The following ATF7IP2 variants were observed in gnomAD, a reference collection of about 807,000 sequenced individuals.
ATF7IP2 encodes the protein activating transcription factor 7 interacting protein 2, also known as activating transcription factor 7-interacting protein 2.
ATF7IP2 carries 42 observed loss-of-function variants against 64.2 expected under a neutral mutation model. The ratio of observed to expected loss-of-function variants is 0.65; its 90% CI spans 0.51 to 0.85. The LOEUF (loss-of-function observed/expected upper bound fraction) is 0.85. ATF7IP2 is among the 40% of genes least tolerant of loss of function. ATF7IP2 has a pLI of 0.00. For synonymous variants in ATF7IP2, 308 were observed against 272.8 expected (o/e 1.13, Z -1.27); for missense variants, 933 against 784.2 (o/e 1.19, Z -2.27).
At chr16:10,449,959 G>C (rs1567478160) in intron 8 of ATF7IP2, among the ~76,000 whole-genome samples, 1 of 152,136 alleles carries the variant, frequency 6.6e-6, no homozygotes, top group African/African-American at 2.4e-5. Context: ...GGCATTTAGT[G>C]CTATAAATTT....
chr16:10,479,607 T>A (rs1010600327), intron 12 of ATF7IP2, among the ~76,000 whole-genome samples: 2 of 151,522 alleles, frequency 1.3e-5, no homozygotes, highest in African/African-American at 2.4e-5. Flanking sequence ...CATATGTAAC[T>A]AACCTGCACA....
At chr16:10,419,823 C>T (rs186155205) in intron 3 of ATF7IP2, among the ~76,000 whole-genome samples, 200 bp downstream of exon 3, 501 of 152,312 alleles carry the variant, frequency 3.3e-3, no homozygotes, top group South Asian at 0.013. Flanking sequence ...ACAAGCATAA[C>T]CTCTACCCCA....
At chr16:10,459,027 A>AAATAAT (rs35159382) in intron 9 of ATF7IP2, among the ~76,000 whole-genome samples, 10 of 150,232 alleles carry the variant, frequency 6.7e-5, no homozygotes, top group South Asian at 4.2e-4. Context: ...CTCTACTAAA[A>AAATAAT]AATAATAATA....
At chr16:10,442,309 T>G (rs1473788238) in intron 8 of ATF7IP2, among the ~76,000 whole-genome samples, 1 of 152,244 alleles carries the variant, frequency 6.6e-6, no homozygotes, top group Non-Finnish European at 1.5e-5. Flanking sequence ...TTTATACACT[T>G]TATTCTTCAA....
At chr16:10,389,257 C>G (rs1289310291) in intron 1 of ATF7IP2, among the ~76,000 whole-genome samples, 1 of 152,096 alleles carries the variant, frequency 6.6e-6, no homozygotes, top group African/African-American at 2.4e-5. Context: ...GGTAGTCTAT[C>G]TGGCTATATA....
chr16:10,391,928 C>T (rs2047333817), intron 1 of ATF7IP2, among the ~76,000 whole-genome samples: 1 of 150,830 alleles, frequency 6.6e-6, no homozygotes, highest in African/African-American at 2.4e-5. Flanking sequence ...GACAGCACTA[C>T]AGGTATTACA....
intron 1 of ATF7IP2, among the ~76,000 whole-genome samples, chr16:10,398,611 C>T (rs4412968): frequency 0.56 from 85,387 of 151,878 alleles, 24,061 homozygotes; most frequent in East Asian, 0.69. Flanking sequence ...GATGGAATAC[C>T]ATTTTGCCTG....
chr16:10,475,004 A>C (rs1410251445), intron 12 of ATF7IP2, among the ~76,000 whole-genome samples: 2 of 152,224 alleles, frequency 1.3e-5, no homozygotes, highest in African/African-American at 4.8e-5. Flanking sequence ...CAACATAGGG[A>C]AACCCCATCT....
At chr16:10,396,168 G>T (rs1481505210) in intron 1 of ATF7IP2, among the ~76,000 whole-genome samples, 1 of 152,122 alleles carries the variant, frequency 6.6e-6, no homozygotes, top group East Asian at 1.9e-4. Context: ...GCATCAAAAA[G>T]TAGTACAAAA....
intron 1 of ATF7IP2, among the ~76,000 whole-genome samples, chr16:10,398,688 A>G (rs2047468152): frequency 6.6e-6 from 1 of 152,180 alleles, no homozygotes; most frequent in African/African-American, 2.4e-5. Flanking sequence ...ACAGACAAAT[A>G]CTATATGATG....
intron 10 of ATF7IP2, 63 bp from the exon 11 acceptor site, chr16:10,473,416 T>G: frequency 9.9e-7 from 1 of 1,015,180 alleles, no homozygotes; most frequent in Non-Finnish European, 1.5e-6. Flanking sequence ...GTTTTAGCAT[T>G]CATATTTCAC....
intron 3 of ATF7IP2, among the ~76,000 whole-genome samples, chr16:10,427,460 G>T (rs1368996634): frequency 3.3e-5 from 5 of 152,044 alleles, no homozygotes. Context: ...GAAATAATTT[G>T]GTTTTCTTGA....
rs184956274 is a variant in ATF7IP2, at chr16:10,475,173, G to T, written c.1549+1184G>T. Among the ~76,000 whole-genome samples the T allele has an allele frequency of 1.2e-4, 19 of 152,324 alleles. No homozygotes were observed. The East Asian group carries it at 2.9e-3, about 23-fold the overall frequency. On this transcript the variant is annotated intron_variant, in intron 12 of 13. Transcript: ENST00000562102. ...TCTACACAAAGAATAAAACTATATT[G>T]TAGAATGTATATAGAAGTCAGTAGA... is the stretch of plus-strand genomic sequence containing the variant.
At chr16:10,437,315 G>A (rs578184606) in intron 6 of ATF7IP2, among the ~76,000 whole-genome samples, 9 of 152,238 alleles carry the variant, frequency 5.9e-5, no homozygotes, top group Non-Finnish European at 1.0e-4. Context: ...CACTGCACCC[G>A]GCTGGCTTCT....
intron 5 of ATF7IP2, among the ~76,000 whole-genome samples, chr16:10,432,496 T>C (rs2048288990): frequency 6.6e-6 from 1 of 152,048 alleles, no homozygotes; most frequent in African/African-American, 2.4e-5. Flanking sequence ...TTAACAGCAC[T>C]TTGGGAGGCC....
chr16:10,425,235 T>A (rs2048061907), intron 3 of ATF7IP2, among the ~76,000 whole-genome samples: 1 of 151,026 alleles, frequency 6.6e-6, no homozygotes, highest in African/African-American at 2.4e-5. Flanking sequence ...GTTTTTTTTT[T>A]TTTTTTGTAC....
intron 12 of ATF7IP2, among the ~76,000 whole-genome samples, chr16:10,474,963 C>G (rs1484547686): frequency 6.6e-6 from 1 of 152,146 alleles, no homozygotes; most frequent in Non-Finnish European, 1.5e-5. Flanking sequence ...AGGAGGATGG[C>G]TTGAGGCCAG....
chr16:10,479,912 G>T (rs1201846514), intron 12 of ATF7IP2, among the ~76,000 whole-genome samples: 1 of 140,282 alleles, frequency 7.1e-6, no homozygotes, highest in Non-Finnish European at 1.5e-5. Flanking sequence ...TTCCACCATT[G>T]TAGAAAACAG....
intron 12 of ATF7IP2, among the ~76,000 whole-genome samples, chr16:10,478,698 A>G (rs910290185): frequency 2.0e-5 from 3 of 152,220 alleles, no homozygotes; most frequent in African/African-American, 7.2e-5. Flanking sequence ...AAAAGAAACT[A>G]CCATCAGAGT....
Sources: gnomAD v4.1 joint callset for allele counts (sites outside exome capture counted in the v4.1 genomes callset) on GRCh38, gnomAD v4.1.1 for gene constraint, MANE v1.5 for transcripts, NCBI Gene and HGNC (gene_info 2026-07-23, HGNC 2026-07-21) for gene names.